Variants in SPINK5 observed in about 807,000 individuals in gnomAD.
SPINK5 encodes serine protease inhibitor Kazal-type 5.
In SPINK5, 125 loss-of-function variants were observed where a neutral mutation model predicts 151.8. The ratio of observed to expected loss-of-function variants is 0.82; its 90% CI spans 0.71 to 0.96. SPINK5 has a LOEUF of 0.96. Ranked by LOEUF, SPINK5 falls within the 40% of genes least tolerant of loss-of-function variation. The probability of loss-of-function intolerance (pLI) is 0.00; values close to 1 mark genes in which losing one functional copy is unlikely to be tolerated. For missense variants in SPINK5, 1,194 were observed against 1,291.9 expected (o/e 0.92, Z 1.16); for synonymous variants, 374 against 395.3 (o/e 0.95, Z 0.64).
chr5:148,101,511 C>A, intron 14 of SPINK5, 75 bp downstream of exon 14: 1 of 1,233,810 alleles, frequency 8.1e-7, no homozygotes, highest in Non-Finnish European at 1.2e-6. Flanking sequence ...GGAACACGTG[C>A]ATTCCTTAAA....
intron 4 of SPINK5, among the ~76,000 whole-genome samples, chr5:148,075,295 T>C (rs1249120797): frequency 6.6e-6 from 1 of 151,586 alleles, no homozygotes; most frequent in African/African-American, 2.4e-5. Flanking sequence ...TGTTGCTTAT[T>C]ATTAAAAGTC....
chr5:148,072,598 T>G (rs1422999), intron 4 of SPINK5, among the ~76,000 whole-genome samples: 5,028 of 152,038 alleles, frequency 0.033, 300 homozygotes, highest in African/African-American at 0.11. Context: ...CTTAGAAAAT[T>G]TATGTATCTC....
intron 4 of SPINK5, among the ~76,000 whole-genome samples, chr5:148,077,770 G>A (rs1045021542): frequency 3.3e-5 from 5 of 150,016 alleles, no homozygotes; most frequent in African/African-American, 9.8e-5. Context: ...ATAAATTAAG[G>A]TGCATATTGT....
intron 4 of SPINK5, among the ~76,000 whole-genome samples, chr5:148,075,353 A>C (rs557790170): frequency 1.3e-5 from 2 of 151,214 alleles, no homozygotes; most frequent in South Asian, 4.2e-4. Flanking sequence ...TATTAATATA[A>C]ATAAATTTCT....
In SPINK5 at chr5:148,097,991, A is replaced by C. The variant is rs745680170; in HGVS notation, c.1007A>C (p.Tyr336Ser). 9 of 1,611,234 alleles carry C rather than the reference A, an allele frequency of 5.6e-6. No individual in the cohort carries two copies. The change falls in exon 11 of 33, where the codon TAC becomes TCC. Residue 336 changes from tyrosine (Y) to serine (S), a missense_variant. Coordinates refer to ENST00000256084, the MANE Select transcript of SPINK5 (RefSeq NM_006846.4). ...AACTTGTGTTCCATGTGTCAAGCCT[A>C]CTTGTGAGTATAGAGTTTTAGAATG... ...HGNLCSMCQA[Y>S]FQAENEEKKK...
intron 12 of SPINK5, among the ~76,000 whole-genome samples, chr5:148,100,083 C>A (rs1359626730): frequency 6.6e-6 from 1 of 151,948 alleles, no homozygotes; most frequent in Non-Finnish European, 1.5e-5. Flanking sequence ...CCAGTCAAAT[C>A]CTATTTACAC....
At chr5:148,067,350 G>A (rs1201085542) in intron 2 of SPINK5, among the ~76,000 whole-genome samples, 1 of 152,084 alleles carries the variant, frequency 6.6e-6, no homozygotes. Context: ...GAGAATAACA[G>A]CAACAGTAAC....
Position 148,131,281 on chromosome 5 carries a change from A to G in SPINK5, c.2987A>G (p.Tyr996Cys). Reference sequence around the variant, plus strand: ...CAGGATTCTGAGATGTGCAAAGACTACCGAGTATTGCCCAGGATAGGTTAT... The same window carrying G: ...CAGGATTCTGAGATGTGCAAAGACTGCCGAGTATTGCCCAGGATAGGTTAT... ...SSLDSEMCKD[Y>C]RVLPRIGYLC... is the part of the protein sequence containing the mutation. The change falls in exon 31 of 33, where the codon TAC (tyrosine) becomes TGC (cysteine). Residue 996 changes from tyrosine (Y) to cysteine (C), a missense_variant. By Grantham distance (194) the Tyr-to-Cys change is radical. Coordinates refer to ENST00000256084, the MANE Select transcript of SPINK5 (RefSeq NM_006846.4). 6.2e-7 allele frequency: 1 copy of G among 1,613,854 alleles called. No individual in the cohort carries two copies. The highest frequency in any genetic ancestry group is 8.5e-7 in the Non-Finnish European group (1 of 1,179,784).
At position 148,105,003 on chromosome 5, in the gene SPINK5, A is replaced by C. The variant is rs751688300; in HGVS notation, c.1479+3A>C. The C allele has an allele frequency of 1.9e-6, 3 of 1,613,722 alleles. No homozygotes were observed. Among genetic ancestry groups the C allele is most frequent in the Middle Eastern group, 1.6e-4 (1 of 6,078 alleles). The stretch of plus-strand genomic sequence containing the variant: ...AGGCTAAAAGAGAAGCTGCAAAGGT[A>C]ATATTCTCAGGAATGCTGATGCTGT... On this transcript the variant is annotated splice_donor_region_variant and intron_variant, in intron 16 of 32. Transcript: ENST00000256084.
intron 18 of SPINK5, among the ~76,000 whole-genome samples, chr5:148,111,452 T>G (rs1031072305): frequency 2.6e-5 from 4 of 152,204 alleles, no homozygotes; most frequent in African/African-American, 7.2e-5. Context: ...ACGTATTTGG[T>G]GGAACGGTAT....
chr5:148,077,811 A>G (rs1337138471), intron 4 of SPINK5, among the ~76,000 whole-genome samples: 1 of 150,830 alleles, frequency 6.6e-6, no homozygotes, highest in East Asian at 2.0e-4. Flanking sequence ...AGAAAATAGC[A>G]TATATAATAA....
At chr5:148,099,930 G>C (rs1238671467) in intron 12 of SPINK5, among the ~76,000 whole-genome samples, 3 of 152,026 alleles carry the variant, frequency 2.0e-5, no homozygotes, top group African/African-American at 7.2e-5. Context: ...CTTTAATCCT[G>C]TTATCTCTCC....
In SPINK5 at chr5:148,100,586, G is replaced by A; in HGVS notation, c.1220+5G>A. On this transcript the variant is annotated splice_donor_5th_base_variant and intron_variant, in intron 13 of 32. Transcript: ENST00000256084. ...CTCCATGTGTGAGGTCTTCTTGTGA[G>A]TAGCCCTGCAGCTGGGAACATGGAG... is the stretch of plus-strand genomic sequence containing the variant. 5.6e-6 allele frequency: 9 copies of A among 1,612,748 alleles called. No individual in the cohort carries two copies. Among genetic ancestry groups the A allele is most frequent in the Non-Finnish European group, 7.6e-6 (9 of 1,179,118 alleles).
chr5:148,123,298 G>A (rs987121209), intron 26 of SPINK5, among the ~76,000 whole-genome samples: 7 of 150,652 alleles, frequency 4.6e-5, no homozygotes, highest in Non-Finnish European at 8.9e-5. Flanking sequence ...GCTGCAATGA[G>A]CTATGATTGC....
chr5:148,094,280 G>A, intron 8 of SPINK5, 74 bp from the exon 9 acceptor site: 2 of 1,564,570 alleles, frequency 1.3e-6, no homozygotes, highest in South Asian at 1.1e-5. Flanking sequence ...GCGCAATGCA[G>A]CAAAATCCTG....
At chr5:148,118,110 C>T (rs1754146999) in intron 22 of SPINK5, among the ~76,000 whole-genome samples, 1 of 152,172 alleles carries the variant, frequency 6.6e-6, no homozygotes, top group Non-Finnish European at 1.5e-5. Context: ...CTTCTGCCTC[C>T]TGGGTTCAAA....
chr5:148,096,255 C>T (rs933560024), intron 10 of SPINK5, among the ~76,000 whole-genome samples: 2 of 152,068 alleles, frequency 1.3e-5, no homozygotes, highest in Admixed American at 6.6e-5. Flanking sequence ...ACTTCAAAAA[C>T]AATATCAATG....
rs180955184 is a variant in SPINK5, at chr5:148,124,761, G to A, written c.2667-4G>A. ...CCCTATCTTTTTTTTTAATTATTCT[G>A]CAGTGATCGAGAAGCTAATGAAAGA... On this transcript the variant is annotated splice_region_variant and splice_polypyrimidine_tract_variant and intron_variant, in intron 27 of 32. Coordinates refer to ENST00000256084, the MANE Select transcript of SPINK5 (RefSeq NM_006846.4). 4.3e-3 allele frequency: 6,736 copies of A among 1,583,566 alleles called. 61 individuals are homozygous for A. The highest frequency in any genetic ancestry group is 3.6e-3 in the Non-Finnish European group (4,228 of 1,163,586).
At position 148,101,343 on chromosome 5, in the gene SPINK5, A is replaced by G. The variant is rs1753636150; in HGVS notation, c.1221-12A>G. ...GATTTTTACTTATCTCTTCTTAACC[A>G]TCCTTTTTTAGCCAAGCAGAAGAAG... On this transcript the variant is annotated splice_polypyrimidine_tract_variant and intron_variant, in intron 13 of 32. Coordinates refer to ENST00000256084, the MANE Select transcript of SPINK5 (RefSeq NM_006846.4). The G allele has an allele frequency of 6.3e-6, 10 of 1,588,890 alleles. No homozygotes were observed. Among genetic ancestry groups the G allele is most frequent in the African/African-American group, 4.0e-5 (3 of 74,560 alleles).
Sources: allele counts gnomAD v4.1 joint callset (sites outside exome capture counted in the v4.1 genomes callset), GRCh38; gene constraint gnomAD v4.1.1; transcripts MANE v1.5; gene names NCBI Gene and HGNC (gene_info 2026-07-23, HGNC 2026-07-21).